NUDT12: variants seen among roughly 807,000 people sequenced by gnomAD.
NUDT12 encodes the protein NAD-capped RNA hydrolase NUDT12.
A neutral mutation model predicts 45.7 loss-of-function variants in NUDT12; 42 were observed. That is an observed-to-expected ratio of 0.92 (90% CI 0.72 to 1.19). NUDT12 has a LOEUF of 1.19. Ranked by LOEUF, NUDT12 falls within the 50% of genes most tolerant of loss-of-function variation. The pLI is 0.00. For synonymous variants in NUDT12, 206 were observed against 179.7 expected (o/e 1.15, Z -1.17); for missense variants, 590 against 533.1 (o/e 1.11, Z -1.05).
intron 5 of NUDT12, among the ~76,000 whole-genome samples, chr5:103,554,117 A>C (rs948117805): frequency 2.6e-5 from 4 of 152,112 alleles, no homozygotes; most frequent in African/African-American, 9.7e-5. Flanking sequence ...AATTGAGATA[A>C]AACATATTAA....
At chr5:103,557,280 GAT>G (rs10593905) in intron 3 of NUDT12, among the ~76,000 whole-genome samples, 38,896 of 118,916 alleles carry the variant, frequency 0.33, 7,308 homozygotes, top group African/African-American at 0.39. Flanking sequence ...ATCTTAAAAT[GAT>G]ATATATATAT....
chr5:103,552,426 T>C lies in NUDT12; in HGVS notation c.1079-10A>G, dbSNP rs776231915. On this transcript the variant is annotated splice_polypyrimidine_tract_variant and intron_variant, in intron 5 of 6. Transcript: ENST00000230792. Reference sequence around the variant, plus strand: ...TCTTCTATTGTCTCTCCTAATGAAATGGAGCAAAAGAACAAGTTGCTGATG... The same window carrying C: ...TCTTCTATTGTCTCTCCTAATGAAACGGAGCAAAAGAACAAGTTGCTGATG... The C allele has an allele frequency of 8.1e-6, 13 of 1,608,582 alleles. No homozygotes were observed. The Admixed American group carries it at 2.2e-4, about 27-fold the overall frequency.
chr5:103,557,064 C>T (rs1748845340), intron 3 of NUDT12, among the ~76,000 whole-genome samples: 1 of 151,466 alleles, frequency 6.6e-6, no homozygotes, highest in African/African-American at 2.4e-5. Context: ...TGCCAAGCAC[C>T]ATGCAAGGAA....
chr5:103,556,008 C>T lies in NUDT12; in HGVS notation c.887G>A (p.Gly296Asp), dbSNP rs1160142891. The T allele has an allele frequency of 6.2e-7, 1 of 1,611,766 alleles. No homozygotes were observed. Among genetic ancestry groups the T allele is most frequent in the Admixed American group, 1.7e-5 (1 of 59,846 alleles). ...TTTTAAACATAATCTCTTATAGCCA[C>T]CTTCTTCAATTTTAGTTGCATTTCC... Reference protein sequence around the residue: ...TCGNATKIEEGGYKRLCLKED... With the variant: ...TCGNATKIEEDGYKRLCLKED... The change falls in exon 4 of 7, where the codon GGT becomes GAT. Residue 296 changes from glycine to aspartate, a missense_variant. Transcript: ENST00000230792.
chr5:103,555,475 A>G (rs1214992833), intron 4 of NUDT12, among the ~76,000 whole-genome samples: 1 of 151,972 alleles, frequency 6.6e-6, no homozygotes, highest in African/African-American at 2.4e-5. Context: ...GAGCCTATCT[A>G]TTCTTCTTTC....
Position 103,558,907 on chromosome 5 carries a change from G to C in NUDT12, c.768C>G (p.Ala256=). The C allele has an allele frequency of 6.3e-7, 1 of 1,578,972 alleles. No homozygotes were observed. Among genetic ancestry groups the C allele is most frequent in the Non-Finnish European group, 8.6e-7 (1 of 1,165,840 alleles). ...CTTCTTTTTCTTTCAATTGCAGAAG[G>C]GCTGGCATAGGAGGATGAAGAAAGT... ...NCYFLHPPMP[A]LLQLKEKEAG... Residue 256 remains alanine, a synonymous_variant, in exon 3 of 7, where the codon GCC becomes GCG. Coordinates refer to ENST00000230792, the MANE Select transcript of NUDT12 (RefSeq NM_031438.4).
chr5:103,559,615 T>G, intron 2 of NUDT12, 147 bp from the exon 3 acceptor site: 1 of 475,464 alleles, frequency 2.1e-6, no homozygotes, highest in Non-Finnish European at 3.6e-6. Context: ...TGTTACATAG[T>G]TTACTATTGG....
rs1295326620 is a variant in NUDT12, at chr5:103,551,110, T to C, written c.1279-139A>G. On this transcript the variant is annotated intron_variant, in intron 6 of 6. Coordinates refer to ENST00000230792, the MANE Select transcript of NUDT12 (RefSeq NM_031438.4). ...CAGTAGAAAGTGACAACATCCATAT[T>C]TACATGCAAAGTTTTTTTTTTTTTG... 6.3e-6 allele frequency: 4 copies of C among 634,562 alleles called. No homozygotes were observed. In the East Asian group the frequency reaches 1.1e-4, roughly 18 times the overall value. The allele number at this position is 634,562 out of a possible 1,614,324, so 39.3% of individuals were successfully genotyped here.
intron 3 of NUDT12, among the ~76,000 whole-genome samples, chr5:103,557,280 G>GGTATGTATATATATATATATATATATAT (rs1491335747): frequency 8.4e-6 from 1 of 118,894 alleles, no homozygotes; most frequent in African/African-American, 3.1e-5. Context: ...ATCTTAAAAT[G>GGTATGTATATATATATATATATATATAT]ATATATATAT....
chr5:103,550,768 C>T lies in NUDT12; in HGVS notation c.*93G>A, dbSNP rs1235354942. Reference sequence around the variant, plus strand: ...CCCAACATCGTATTTTGTGTTGTGACACTCTCAAGAGTACTGAATAATCTC... The same window carrying T: ...CCCAACATCGTATTTTGTGTTGTGATACTCTCAAGAGTACTGAATAATCTC... On this transcript the variant is annotated 3_prime_UTR_variant, in exon 7 of 7. Coordinates refer to ENST00000230792, the MANE Select transcript of NUDT12 (RefSeq NM_031438.4). The T allele has an allele frequency of 4.8e-5, 38 of 798,162 alleles. No homozygotes were observed. The South Asian group carries it at 6.2e-4, about 13-fold the overall frequency. The allele number at this position is 798,162 out of a possible 1,614,324, so 49.4% of individuals were successfully genotyped here.
At chr5:103,560,396 CATTTCA>C (rs1748997260) in intron 1 of NUDT12, 142 bp from the exon 2 acceptor site, 2 of 617,410 alleles carry the variant, frequency 3.2e-6, no homozygotes, top group Non-Finnish European at 5.8e-6. Context: ...AAACAGCATA[CATTTCA>C]ATTTCAAAAT....
At chr5:103,558,358 A>G (rs577800975) in intron 3 of NUDT12, among the ~76,000 whole-genome samples, 1 of 152,210 alleles carries the variant, frequency 6.6e-6, no homozygotes, top group South Asian at 2.1e-4. Context: ...TTACTTGGGC[A>G]CCTGTAATAC....
intron 5 of NUDT12, among the ~76,000 whole-genome samples, chr5:103,552,723 C>T (rs1023959379): frequency 5.9e-5 from 9 of 152,056 alleles, no homozygotes; most frequent in Admixed American, 5.9e-4. Context: ...AAACACTATG[C>T]AAACACTTTA....
chr5:103,557,287 A>G lies in NUDT12; in HGVS notation c.797-1189T>C, dbSNP rs896436265. 7.9e-4 allele frequency among the ~76,000 whole-genome samples: 114 copies of G among 144,030 alleles called. 5 individuals are homozygous for G. The highest frequency in any genetic ancestry group is 5.7e-3 in the East Asian group (28 of 4,898). 94.5% of individuals were successfully genotyped at this position (144,030 alleles called of 152,430 possible). A position where few individuals can be genotyped will look rare whatever the true frequency, so the allele number is the denominator to read the frequency against. The stretch of plus-strand genomic sequence containing the variant: ...TCTTTTTGATCTTAAAATGATATAT[A>G]TATATATATATATATATGTCTAAAG... On this transcript the variant is annotated intron_variant, in intron 3 of 6. Coordinates refer to ENST00000230792, the MANE Select transcript of NUDT12 (RefSeq NM_031438.4).
chr5:103,554,840 G>T lies in NUDT12; in HGVS notation c.978C>A (p.Ile326=). ...TSYPRVDPVV[I]MQVIHPDGTK... is the part of the protein sequence containing the mutation. ...TCCCATCTGGATGAATAACTTGCAT[G>T]ATTACTACTGGATCTGTTGAAAAAA... Residue 326 remains isoleucine (I), a synonymous_variant, in exon 5 of 7, where the codon ATC becomes ATA. Coordinates refer to ENST00000230792, the MANE Select transcript of NUDT12 (RefSeq NM_031438.4). The T allele has an allele frequency of 6.7e-7, 1 of 1,491,122 alleles. No individual in the cohort carries two copies. The highest frequency in any genetic ancestry group is 9.1e-7 in the Non-Finnish European group (1 of 1,098,956). The allele number at this position is 1,491,122 out of a possible 1,614,324, so 92.4% of individuals were successfully genotyped here.
At position 103,550,900 on chromosome 5, in the gene NUDT12, T is replaced by C. The variant is rs763680799; in HGVS notation, c.1350A>G (p.Gln450=). Residue 450 remains glutamine, a synonymous_variant, in exon 7 of 7, where the codon CAA becomes CAG. Transcript: ENST00000230792. ...FVPPSRAIAH[Q]LIKHWIRINP... is the part of the protein sequence containing the mutation. The stretch of plus-strand genomic sequence containing the variant: ...TTATTCTAATCCAGTGTTTGATTAA[T>C]TGATGTGCAATAGCTCGGCTTGGTG... 1.9e-6 allele frequency: 3 copies of C among 1,613,608 alleles called. No homozygotes were observed. Among genetic ancestry groups the C allele is most frequent in the East Asian group, 2.2e-5 (1 of 44,874 alleles).
chr5:103,551,085 C>T lies in NUDT12; in HGVS notation c.1279-114G>A, dbSNP rs551508655. Reference sequence around the variant, plus strand: ...TGATGAGTTTTACAGTGAATAACAACAGTAGAAAGTGACAACATCCATATT... The same window carrying T: ...TGATGAGTTTTACAGTGAATAACAATAGTAGAAAGTGACAACATCCATATT... On this transcript the variant is annotated intron_variant, in intron 6 of 6. Coordinates refer to ENST00000230792, the MANE Select transcript of NUDT12 (RefSeq NM_031438.4). 6.7e-5 allele frequency: 48 copies of T among 715,910 alleles called. No homozygotes were observed. The South Asian group carries it at 7.1e-4, about 11-fold the overall frequency. 44.3% of individuals were successfully genotyped at this position (715,910 alleles called of 1,614,324 possible). A position where few individuals can be genotyped will look rare whatever the true frequency, so the allele number is the denominator to read the frequency against.
chr5:103,556,321 T>C lies in NUDT12; in HGVS notation c.797-223A>G, dbSNP rs138560955. 3.7e-3 allele frequency among the ~76,000 whole-genome samples: 566 copies of C among 152,180 alleles called. 3 individuals carry two copies. The highest frequency in any genetic ancestry group is 0.013 in the African/African-American group (543 of 41,542). Reference sequence around the variant, plus strand: ...AATAAAATATAACTTTCATATAAGATAGACATACTGACATCTATCTTACAT... The same window carrying C: ...AATAAAATATAACTTTCATATAAGACAGACATACTGACATCTATCTTACAT... On this transcript the variant is annotated intron_variant, in intron 3 of 6. Transcript: ENST00000230792.
At chr5:103,561,332 G>C (rs555017973) in intron 1 of NUDT12, among the ~76,000 whole-genome samples, 26 of 151,410 alleles carry the variant, frequency 1.7e-4, no homozygotes, top group Admixed American at 7.4e-4. Context: ...AGCAGGAATA[G>C]TATGAACAAA....
Sources: gnomAD v4.1 joint callset for allele counts (sites outside exome capture counted in the v4.1 genomes callset) on GRCh38, gnomAD v4.1.1 for gene constraint, MANE v1.5 for transcripts, NCBI Gene and HGNC (gene_info 2026-07-23, HGNC 2026-07-21) for gene names.